The following MOB3B variants were observed in gnomAD, a reference collection of about 807,000 sequenced individuals.
The protein encoded by MOB3B is MOB kinase activator 3B.
In MOB3B, 7 loss-of-function variants were observed where a neutral mutation model predicts 18.7. The ratio of observed to expected loss-of-function variants is 0.37; its 90% CI spans 0.21 to 0.70. The LOEUF is 0.70. MOB3B is among the 30% of genes least tolerant of loss of function. The probability of loss-of-function intolerance (pLI) is 0.52; values close to 1 mark genes in which losing one functional copy is unlikely to be tolerated. For synonymous variants in MOB3B, 111 were observed against 99.9 expected, an observed-to-expected ratio of 1.11 and a Z score of -0.66; for missense variants, 253 against 281.3, an observed-to-expected ratio of 0.90 and a Z score of 0.72.
chr9:27,418,827 A>G (rs1822196295), intron 2 of MOB3B, among the ~76,000 whole-genome samples: 1 of 152,122 alleles, frequency 6.6e-6, no homozygotes, highest in Admixed American at 6.5e-5. Context: ...AAAGAAATAA[A>G]GGCCATCCAA....
chr9:27,497,270 C>T (rs1215445308), intron 1 of MOB3B, among the ~76,000 whole-genome samples: 1 of 152,132 alleles, frequency 6.6e-6, no homozygotes, highest in Non-Finnish European at 1.5e-5. Flanking sequence ...GCATAGATTT[C>T]CACAAAGCTT....
At chr9:27,465,922 TG>T (rs1354577126) in intron 1 of MOB3B, among the ~76,000 whole-genome samples, 1 of 152,208 alleles carries the variant, frequency 6.6e-6, no homozygotes, top group Non-Finnish European at 1.5e-5. Flanking sequence ...CACTTTTTCC[TG>T]CTGGGCCTCT....
intron 2 of MOB3B, among the ~76,000 whole-genome samples, chr9:27,447,452 A>C (rs1185284644): frequency 1.3e-5 from 2 of 152,192 alleles, no homozygotes; most frequent in African/African-American, 4.8e-5. Context: ...TCTGGCTTCC[A>C]CTGAATATCA....
chr9:27,419,725 C>T (rs1031573918), intron 2 of MOB3B, among the ~76,000 whole-genome samples: 8 of 152,262 alleles, frequency 5.3e-5, no homozygotes, highest in Non-Finnish European at 8.8e-5. Flanking sequence ...TTGGAAAAAG[C>T]CTTCTAGCCA....
intron 2 of MOB3B, among the ~76,000 whole-genome samples, chr9:27,409,125 C>T (rs1398231695): frequency 6.6e-6 from 1 of 152,180 alleles, no homozygotes; most frequent in Non-Finnish European, 1.5e-5. Context: ...GGTCACATAG[C>T]TAGAAAGTGA....
chr9:27,439,773 T>A (rs1271754461), intron 2 of MOB3B, among the ~76,000 whole-genome samples: 1 of 150,722 alleles, frequency 6.6e-6, no homozygotes, highest in Non-Finnish European at 1.5e-5. Context: ...AATACTCCTA[T>A]CACAGATGTC....
chr9:27,348,102 A>G (rs11999307), intron 3 of MOB3B, among the ~76,000 whole-genome samples: 17,351 of 152,102 alleles, frequency 0.11, 2,613 homozygotes, highest in African/African-American at 0.35. Flanking sequence ...AGTTGGCTAG[A>G]CTGGCTTCTT....
At chr9:27,520,856 G>C (rs1441463328) in intron 1 of MOB3B, among the ~76,000 whole-genome samples, 1 of 152,200 alleles carries the variant, frequency 6.6e-6, no homozygotes, top group African/African-American at 2.4e-5. Flanking sequence ...ATAAAATAAA[G>C]ACACCCAGTT....
At position 27,501,078 on chromosome 9, in the gene MOB3B, G is replaced by A. The variant is rs140921335; in HGVS notation, c.-199+28477C>T. Among the ~76,000 whole-genome samples the A allele has an allele frequency of 8.5e-4, 130 of 152,140 alleles. No homozygotes were observed. In the East Asian group the frequency reaches 0.018, roughly 21 times the overall value. ...ACCATCTCACACTAGTTAGAATGAC[G>A]AACATTAAAAAGTCAGGAAACAACA... On this transcript the variant is annotated intron_variant, in intron 1 of 3. Transcript: ENST00000262244.
intron 2 of MOB3B, among the ~76,000 whole-genome samples, chr9:27,423,483 C>G (rs1822285836): frequency 6.7e-6 from 1 of 150,278 alleles, no homozygotes; most frequent in Non-Finnish European, 1.5e-5. Flanking sequence ...CTAAACTAAG[C>G]TACTCTCACC....
At chr9:27,492,615 T>A (rs1052817919) in intron 1 of MOB3B, among the ~76,000 whole-genome samples, 1 of 152,202 alleles carries the variant, frequency 6.6e-6, no homozygotes, top group African/African-American at 2.4e-5. Context: ...TGGGAACTGA[T>A]AACTGCCAGG....
rs1171362204 is a variant in MOB3B at position 27,522,242 on chromosome 9, C to CAAAAAAAAAAAAAAAAAAAAAA, written c.-199+7291_-199+7312dup. Among the ~76,000 whole-genome samples the CAAAAAAAAAAAAAAAAAAAAAA allele has an allele frequency of 7.3e-4, 41 of 56,046 alleles. 1 individual carries two copies. Among genetic ancestry groups the CAAAAAAAAAAAAAAAAAAAAAA allele is most frequent in the Admixed American group, 1.3e-3 (4 of 3,106 alleles). The allele number at this position is 56,046 out of a possible 152,430, so 36.8% of individuals were successfully genotyped here. A position where few individuals can be genotyped will look rare whatever the true frequency, so the allele number is the denominator to read the frequency against. ...GGAGACAGAGCAAGACCCCGTCTCACAAAAAAAAAAAAAAAAAAAAAAAAG... is the reference window on the plus strand; with the variant it reads ...GGAGACAGAGCAAGACCCCGTCTCACAAAAAAAAAAAAAAAAAAAAAAAAAAAAAAAAAAAAAAAAAAAAAAG... On this transcript the variant is annotated intron_variant, in intron 1 of 3. Coordinates refer to ENST00000262244, the MANE Select transcript of MOB3B (RefSeq NM_024761.5).
In MOB3B at chr9:27,455,454, G is replaced by C. The variant is rs773515192; in HGVS notation, c.97C>G (p.Arg33Gly). ...PGTQRFELHK[R>G]AQASLNSGVD... ...CCCGAGTTGAGGGATGCCTGAGCCCGTTTGTGCAGCTCAAACCTCTGTGTG... is the reference window on the plus strand; with the variant it reads ...CCCGAGTTGAGGGATGCCTGAGCCCCTTTGTGCAGCTCAAACCTCTGTGTG... Residue 33 changes from arginine to glycine, a missense_variant, in exon 2 of 4, where the codon CGG (arginine) becomes GGG (glycine). Coordinates refer to ENST00000262244, the MANE Select transcript of MOB3B (RefSeq NM_024761.5). 9 of 1,614,100 alleles carry C rather than the reference G, an allele frequency of 5.6e-6. No individual in the cohort carries two copies. The highest frequency in any genetic ancestry group is 7.6e-6 in the Non-Finnish European group (9 of 1,180,040).
Position 27,400,682 on chromosome 9 carries a change from A to G in MOB3B, c.419-41446T>C, listed in dbSNP as rs1000544146. Among the ~76,000 whole-genome samples the G allele has an allele frequency of 3.3e-5, 5 of 152,228 alleles. No individual in the cohort carries two copies. The East Asian group carries it at 7.7e-4, about 23-fold the overall frequency. ...TGACATCACTCACTTTTATCTACCT[A>G]TATCTAGCACAAAGTCCTACTTAGA... is the stretch of plus-strand genomic sequence containing the variant. On this transcript the variant is annotated intron_variant, in intron 2 of 3. Coordinates refer to ENST00000262244, the MANE Select transcript of MOB3B (RefSeq NM_024761.5).
At chr9:27,393,698 AC>A (rs1014267716) in intron 2 of MOB3B, among the ~76,000 whole-genome samples, 1 of 152,144 alleles carries the variant, frequency 6.6e-6, no homozygotes, top group African/African-American at 2.4e-5. Context: ...AGACTTGGCC[AC>A]ATTTTATTCC....
chr9:27,467,120 A>G (rs1049704989), intron 1 of MOB3B, among the ~76,000 whole-genome samples: 2 of 152,190 alleles, frequency 1.3e-5, no homozygotes, highest in African/African-American at 4.8e-5. Flanking sequence ...TGCCAATAAC[A>G]AGTTAAAAAA....
At chr9:27,505,160 CT>C (rs1398207941) in intron 1 of MOB3B, among the ~76,000 whole-genome samples, 2 of 152,156 alleles carry the variant, frequency 1.3e-5, no homozygotes, top group Non-Finnish European at 2.9e-5. Context: ...CTTTGGGGAG[CT>C]ATTATTTTAC....
At chr9:27,487,032 G>A (rs1819738016) in intron 1 of MOB3B, among the ~76,000 whole-genome samples, 1 of 152,038 alleles carries the variant, frequency 6.6e-6, no homozygotes, top group Non-Finnish European at 1.5e-5. Context: ...TCAGGAGGCT[G>A]AGGAACGAGA....
chr9:27,487,375 T>G (rs1415486907), intron 1 of MOB3B, among the ~76,000 whole-genome samples: 2 of 151,938 alleles, frequency 1.3e-5, no homozygotes, highest in Non-Finnish European at 2.9e-5. Flanking sequence ...GGTAATAAGC[T>G]TTATTACCCT....
Sources: gnomAD v4.1 joint callset for allele counts (sites outside exome capture counted in the v4.1 genomes callset) on GRCh38, gnomAD v4.1.1 for gene constraint, MANE v1.5 for transcripts, NCBI Gene and HGNC (gene_info 2026-07-23, HGNC 2026-07-21) for gene names.